The following NDST2 variants were observed in gnomAD, a reference collection of about 807,000 sequenced individuals.
NDST2 encodes the protein bifunctional heparan sulfate N-deacetylase/N-sulfotransferase 2.
NDST2 carries 32 observed loss-of-function variants against 86.9 expected under a neutral mutation model. The ratio of observed to expected loss-of-function variants is 0.37; its 90% CI spans 0.28 to 0.49. The LOEUF (loss-of-function observed/expected upper bound fraction) is 0.49. NDST2 is among the 20% of genes least tolerant of loss of function. The pLI is 0.97. For missense variants in NDST2, 950 were observed against 1,146.9 expected, an observed-to-expected ratio of 0.83 and a Z score of 2.48; for synonymous variants, 409 against 437.0, an observed-to-expected ratio of 0.94 and a Z score of 0.80.
chr10:73,807,082 C>T, intron 4 of NDST2, 26 bp downstream of exon 4: 2 of 1,599,886 alleles, frequency 1.3e-6, no homozygotes, highest in Non-Finnish European at 1.7e-6. Context: ...CTATGATATG[C>T]CAAAGGAGTA....
intron 3 of NDST2, 40 bp from the exon 4 acceptor site, chr10:73,807,235 G>T: frequency 6.3e-7 from 1 of 1,577,268 alleles, no homozygotes; most frequent in Non-Finnish European, 8.7e-7. Context: ...CAGGAGAGCA[G>T]ACTGAACAGG....
chr10:73,803,439 G>A, intron 11 of NDST2, 80 bp from the exon 12 acceptor site: 3 of 1,560,674 alleles, frequency 1.9e-6, no homozygotes, highest in Non-Finnish European at 2.6e-6. Flanking sequence ...GAGACAGACA[G>A]CACAGCACGG....
At chr10:73,810,273 C>T (rs572994495) in intron 2 of NDST2, among the ~76,000 whole-genome samples, 4 of 152,178 alleles carry the variant, frequency 2.6e-5, no homozygotes, top group Admixed American at 6.5e-5. Flanking sequence ...GCCTGGCCAA[C>T]ATGGTGAAGC....
chr10:73,802,293 G>A lies in NDST2; in HGVS notation c.*158C>T, dbSNP rs1397012339. 2 of 733,480 alleles carry A rather than the reference G, an allele frequency of 2.7e-6. No individual in the cohort carries two copies. The highest frequency in any genetic ancestry group is 4.4e-6 in the Non-Finnish European group (2 of 455,054). 45.4% of individuals were successfully genotyped at this position (733,480 alleles called of 1,614,324 possible). A position where few individuals can be genotyped will look rare whatever the true frequency, so the allele number is the denominator to read the frequency against. ...CCCCTTTATTTGTCCCAGAACTGTG[G>A]GAAAAGGATACCCTTCCCTTCTCAG... On this transcript the variant is annotated 3_prime_UTR_variant, in exon 15 of 15. Coordinates refer to ENST00000309979, the MANE Select transcript of NDST2 (RefSeq NM_003635.4).
At position 73,806,585 on chromosome 10, in the gene NDST2, A is replaced by G. The variant is rs2084107320; in HGVS notation, c.1248+72T>C. The G allele has an allele frequency of 6.3e-7, 1 of 1,587,178 alleles. No individual in the cohort carries two copies. The highest frequency in any genetic ancestry group is 8.6e-7 in the Non-Finnish European group (1 of 1,160,798). ...AAAACGCAAAGGATAGGAAAAGGGT[A>G]GCCCATTAGGGGAAGGTAGAAAAGG... is the stretch of plus-strand genomic sequence containing the variant. On this transcript the variant is annotated intron_variant, in intron 5 of 14. Coordinates refer to ENST00000309979, the MANE Select transcript of NDST2 (RefSeq NM_003635.4). The surrounding 1 kb of genome is among the most constrained non-coding windows in gnomAD (Gnocchi z 4.5).
intron 1 of NDST2, 133 bp from the exon 2 acceptor site, chr10:73,811,036 G>T: frequency 2.6e-6 from 1 of 391,588 alleles, no homozygotes; most frequent in Non-Finnish European, 4.5e-6. Context: ...AAGCCAGACG[G>T]GGGCCGGGGC....
intron 8 of NDST2, 29 bp from the exon 9 acceptor site, chr10:73,804,898 G>C: frequency 7.2e-7 from 1 of 1,382,840 alleles, no homozygotes; most frequent in Non-Finnish European, 1.0e-6. Flanking sequence ...ATCAGATAAG[G>C]CCTATTTTTT....
In NDST2 at chr10:73,810,809, A is replaced by C. The variant is rs374683180; in HGVS notation, c.-352T>G. ...AGAGAAGCTTAGAACCTTGCCCAGG[A>C]TCACACAGCTCAGTTGGTGGGAGGG... On this transcript the variant is annotated 5_prime_UTR_variant, in exon 2 of 15. Coordinates refer to ENST00000309979, the MANE Select transcript of NDST2 (RefSeq NM_003635.4). 2.5e-6 allele frequency: 1 copy of C among 399,122 alleles called. No homozygotes were observed. The highest frequency in any genetic ancestry group is 1.3e-4 in the South Asian group (1 of 7,862). 24.7% of individuals were successfully genotyped at this position (399,122 alleles called of 1,614,324 possible). A position where few individuals can be genotyped will look rare whatever the true frequency, so the allele number is the denominator to read the frequency against.
In NDST2 at chr10:73,806,509, G is replaced by A. The variant is rs1475253449; in HGVS notation, c.1249-35C>T. The A allele has an allele frequency of 6.4e-7, 1 of 1,557,076 alleles. No homozygotes were observed. Among genetic ancestry groups the A allele is most frequent in the Non-Finnish European group, 8.7e-7 (1 of 1,149,520 alleles). On this transcript the variant is annotated intron_variant, in intron 5 of 14. Transcript: ENST00000309979. This position sits in a 1 kb window ranked among gnomAD's most constrained non-coding sequence, Gnocchi z 4.5. ...GCATAGACTCTCACCAGGACCTGGT[G>A]AGGTTTGGGGAGTAGAGGGTAAAGA...
At chr10:73,804,096 G>T in intron 9 of NDST2, 80 bp from the exon 10 acceptor site, 56 of 1,466,312 alleles carry the variant, frequency 3.8e-5, no homozygotes, top group Admixed American at 8.2e-5. Flanking sequence ...TGAAGGAAGT[G>T]AAAAAATAAC....
At position 73,806,960 on chromosome 10, in the gene NDST2, G is replaced by A. The variant is rs1050474126; in HGVS notation, c.1093+148C>T. 1.2e-5 allele frequency: 18 copies of A among 1,459,168 alleles called. No homozygotes were observed. Among genetic ancestry groups the A allele is most frequent in the Middle Eastern group, 1.9e-4 (1 of 5,246 alleles). 90.4% of individuals were successfully genotyped at this position (1,459,168 alleles called of 1,614,324 possible). A position where few individuals can be genotyped will look rare whatever the true frequency, so the allele number is the denominator to read the frequency against. On this transcript the variant is annotated intron_variant, in intron 4 of 14. Transcript: ENST00000309979. The surrounding 1 kb of genome is among the most constrained non-coding windows in gnomAD (Gnocchi z 4.5). ...CAACTTGCCATCCAGCCACCCATGC[G>A]AACCTAAATTCATGCCCACCACTAG...
intron 9 of NDST2, 77 bp from the exon 10 acceptor site, chr10:73,804,093 A>C (rs1384719407): frequency 1.3e-6 from 2 of 1,533,744 alleles, no homozygotes; most frequent in Non-Finnish European, 1.8e-6. Flanking sequence ...GCTTGAAGGA[A>C]GTGAAAAAAT....
At position 73,802,656 on chromosome 10, in the gene NDST2, G is replaced by A. The variant is rs781397575; in HGVS notation, c.2526+18C>T. 2.5e-6 allele frequency: 4 copies of A among 1,613,952 alleles called. No individual in the cohort carries two copies. Among genetic ancestry groups the A allele is most frequent in the Non-Finnish European group, 3.4e-6 (4 of 1,179,820 alleles). ...CCTGGAAGTGGAGAGGGATTCCCCT[G>A]CCCCTGGCTTTACTTACCTCAGTGT... On this transcript the variant is annotated intron_variant, in intron 14 of 14. Transcript: ENST00000309979.
chr10:73,811,145 A>G (rs924716579), intron 1 of NDST2, among the ~76,000 whole-genome samples: 10 of 151,686 alleles, frequency 6.6e-5, no homozygotes, highest in Non-Finnish European at 1.2e-4. Flanking sequence ...GGCCCCGCCG[A>G]GAGGAGACGG....
chr10:73,806,858 C>T lies in NDST2; in HGVS notation c.1094-47G>A, dbSNP rs749325576. On this transcript the variant is annotated intron_variant, in intron 4 of 14. Transcript: ENST00000309979. This position sits in a 1 kb window ranked among gnomAD's most constrained non-coding sequence, Gnocchi z 4.5. Reference sequence around the variant, plus strand: ...TGACCACAGCCAGTCAGCCCCTGTTCCCTCCTTTATTTTGTAACAACACTG... The same window carrying T: ...TGACCACAGCCAGTCAGCCCCTGTTTCCTCCTTTATTTTGTAACAACACTG... The T allele has an allele frequency of 1.1e-5, 18 of 1,598,828 alleles. No homozygotes were observed. Among genetic ancestry groups the T allele is most frequent in the Non-Finnish European group, 1.5e-5 (18 of 1,168,910 alleles).
chr10:73,810,757 T>TA, intron 2 of NDST2, 42 bp downstream of exon 2: 1 of 398,778 alleles, frequency 2.5e-6, no homozygotes, highest in East Asian at 3.6e-5. Flanking sequence ...CATGCTCCAT[T>TA]ATCCCCATTT....
In NDST2 at chr10:73,802,332, G is replaced by C; in HGVS notation, c.*119C>G. 9.2e-7 allele frequency: 1 copy of C among 1,087,182 alleles called. No individual in the cohort carries two copies. The highest frequency in any genetic ancestry group is 1.3e-6 in the Non-Finnish European group (1 of 752,396). 67.3% of individuals were successfully genotyped at this position (1,087,182 alleles called of 1,614,324 possible). ...TTCCCTTCTCAGCCATCTCAGGCCT[G>C]GGGGCTACTGAGGTAGAGGGGGAGG... On this transcript the variant is annotated 3_prime_UTR_variant, in exon 15 of 15. Transcript: ENST00000309979.
At position 73,807,990 on chromosome 10, in the gene NDST2, G is replaced by A; in HGVS notation, c.399C>T (p.Gly133=). The change falls in exon 3 of 15, where the codon GGC becomes GGT. Residue 133 remains glycine, a synonymous_variant. Transcript: ENST00000309979. ...DMPTLTDNTH[G]RYVLVIYENL... ...TCTCATAAATGACCAAGACATAGCGGCCATGGGTATTATCAGTCAATGTGG... is the reference window on the plus strand; with the variant it reads ...TCTCATAAATGACCAAGACATAGCGACCATGGGTATTATCAGTCAATGTGG... The A allele has an allele frequency of 6.2e-7, 1 of 1,614,236 alleles. No homozygotes were observed.
rs757789904 is a variant in NDST2 at position 73,807,704 on chromosome 10, T to A, written c.685A>T (p.Ile229Phe). The A allele has an allele frequency of 3.7e-6, 6 of 1,614,174 alleles. 1 individual carries two copies. In the Admixed American group the frequency reaches 1.0e-4, roughly 27 times the overall value. Residue 229 changes from isoleucine (I) to phenylalanine (F), a missense_variant, in exon 3 of 15, where the codon ATC (isoleucine) becomes TTC (phenylalanine). Ile to Phe is a conservative substitution (Grantham distance 21, BLOSUM62 0). Around this residue, in one of 5 missense-constraint regions of NDST2, gnomAD observed 586 missense variants for 714.0 expected, o/e 0.82. Coordinates refer to ENST00000309979, the MANE Select transcript of NDST2 (RefSeq NM_003635.4). ...TATGTACTATGATTGGATTGGAAGA[T>A]GGTCCAGTCATCACCAGGCAGTGGC... ...PGPLPGDDWTIFQSNHSTYEP... is the reference protein window; with the variant it reads ...PGPLPGDDWTFFQSNHSTYEP...
Sources: allele counts gnomAD v4.1 joint callset (sites outside exome capture counted in the v4.1 genomes callset), GRCh38; gene constraint gnomAD v4.1.1; regional missense constraint gnomAD v4.1.1; non-coding constraint Gnocchi (gnomAD v3.1); transcripts MANE v1.5; gene names NCBI Gene and HGNC (gene_info 2026-07-23, HGNC 2026-07-21).